The following PALM2AKAP2 variants were observed in gnomAD, a reference collection of about 807,000 sequenced individuals.
The protein encoded by PALM2AKAP2 is PALM2-AKAP2 fusion protein.
A neutral mutation model predicts 71.5 loss-of-function variants in PALM2AKAP2; 37 were observed. The observed-to-expected ratio is 0.52, with a 90% CI of 0.40 to 0.68. The LOEUF is 0.68. Ranked by LOEUF, PALM2AKAP2 falls within the 30% of genes least tolerant of loss-of-function variation. The pLI is 0.00. For synonymous variants in PALM2AKAP2, 468 were observed against 478.8 expected, an observed-to-expected ratio of 0.98 and a Z score of 0.29; for missense variants, 1,224 against 1,191.8, an observed-to-expected ratio of 1.03 and a Z score of -0.40.
chr9:109,954,605 A>G (rs1831709607), intron 6 of PALM2AKAP2, among the ~76,000 whole-genome samples: 1 of 149,866 alleles, frequency 6.7e-6, no homozygotes, highest in Admixed American at 6.7e-5. Context: ...ACATGTATAC[A>G]TATGTAACTA....
chr9:109,688,689 CAG>C (rs1192200115), intron 1 of PALM2AKAP2, among the ~76,000 whole-genome samples: 1 of 152,204 alleles, frequency 6.6e-6, no homozygotes, highest in Non-Finnish European at 1.5e-5. Context: ...TGAAAAGGGG[CAG>C]AGAGATTAAG....
chr9:109,898,522 C>T (rs1404675386), intron 3 of PALM2AKAP2, among the ~76,000 whole-genome samples: 2 of 152,170 alleles, frequency 1.3e-5, no homozygotes, highest in East Asian at 3.8e-4. Flanking sequence ...AATTCATAGG[C>T]ACTGAGTATT....
chr9:109,943,312 G>A, intron 6 of PALM2AKAP2: 1 of 1,614,224 alleles, frequency 6.2e-7, no homozygotes, highest in Non-Finnish European at 8.5e-7. Flanking sequence ...CGGGAGGCCG[G>A]TCTCAGACAC....
At chr9:109,931,709 C>T (rs547990807) in intron 5 of PALM2AKAP2, among the ~76,000 whole-genome samples, 2 of 152,324 alleles carry the variant, frequency 1.3e-5, no homozygotes, top group South Asian at 2.1e-4. Flanking sequence ...TAGAGCCATC[C>T]TGGGGCTTGA....
chr9:110,138,313 C>G, exon 2 of PALM2AKAP2: 1 of 1,614,200 alleles, frequency 6.2e-7, no homozygotes. Flanking sequence ...AGCTGAGAAG[C>G]ACAGCCTCCC....
chr9:109,800,352 A>G (rs1827388622), intron 1 of PALM2AKAP2, among the ~76,000 whole-genome samples: 1 of 152,182 alleles, frequency 6.6e-6, no homozygotes, highest in Non-Finnish European at 1.5e-5. Flanking sequence ...AAACAATAAT[A>G]CTCTGTTAGA....
At chr9:110,145,754 G>A (rs887819932) in intron 2 of PALM2AKAP2, among the ~76,000 whole-genome samples, 6 of 150,992 alleles carry the variant, frequency 4.0e-5, no homozygotes, top group Admixed American at 6.6e-5. Flanking sequence ...TTGAAGCTAT[G>A]TTTGGCAAGG....
intron 6 of PALM2AKAP2, among the ~76,000 whole-genome samples, chr9:109,990,067 CTT>C (rs35739397): frequency 8.7e-4 from 116 of 134,100 alleles, no homozygotes; most frequent in African/African-American, 2.4e-3. Flanking sequence ...TTCTTTCTTT[CTT>C]TTTTTTTTTT....
At chr9:109,919,696 A>G (rs766270604) in intron 3 of PALM2AKAP2, among the ~76,000 whole-genome samples, 24 of 151,794 alleles carry the variant, frequency 1.6e-4, no homozygotes, top group Admixed American at 2.6e-4. Flanking sequence ...ATTGGGATAT[A>G]TATTAGTAGG....
At chr9:109,958,436 C>A (rs755690996) in intron 6 of PALM2AKAP2, among the ~76,000 whole-genome samples, 1 of 152,098 alleles carries the variant, frequency 6.6e-6, no homozygotes, top group Non-Finnish European at 1.5e-5. Flanking sequence ...ATGCCTTTAT[C>A]GTATGACTTA....
chr9:109,712,875 A>G lies in PALM2AKAP2; in HGVS notation c.6-67613A>G, dbSNP rs117970832. Among the ~76,000 whole-genome samples, 197 of 152,344 alleles carry G rather than the reference A, an allele frequency of 1.3e-3. 7 individuals carry two copies. In the East Asian group the frequency reaches 0.03, roughly 23 times the overall value. On this transcript the variant is annotated intron_variant, in intron 1 of 6. Transcript: ENST00000374531. ...TCCACTGTTAGACCATGATAACACAAGAAAAGTACTTCTGAGCTGAGCTGA... is the reference window on the plus strand; with the variant it reads ...TCCACTGTTAGACCATGATAACACAGGAAAAGTACTTCTGAGCTGAGCTGA...
intron 1 of PALM2AKAP2, among the ~76,000 whole-genome samples, chr9:109,773,317 T>G (rs1252958959): frequency 6.6e-6 from 1 of 152,032 alleles, no homozygotes; most frequent in Non-Finnish European, 1.5e-5. Context: ...AATTTTTTTT[T>G]GTAGAGGTAG....
intron 6 of PALM2AKAP2, among the ~76,000 whole-genome samples, chr9:109,938,308 C>T (rs181758116): frequency 3.3e-5 from 5 of 152,236 alleles, no homozygotes; most frequent in African/African-American, 7.2e-5. Context: ...TCCATGAAAA[C>T]GAAATATTGC....
intron 1 of PALM2AKAP2, among the ~76,000 whole-genome samples, chr9:109,719,556 A>G (rs1353198925): frequency 6.6e-6 from 1 of 152,246 alleles, no homozygotes; most frequent in African/African-American, 2.4e-5. Context: ...CTTGGCAGTT[A>G]GGATCTTGCT....
At chr9:110,014,863 C>G (rs1320325804) in intron 6 of PALM2AKAP2, among the ~76,000 whole-genome samples, 1 of 110,540 alleles carries the variant, frequency 9.0e-6, no homozygotes, top group African/African-American at 3.3e-5. Context: ...CACACACACA[C>G]ATATATCTTG....
chr9:109,859,460 A>G (rs963851643), intron 1 of PALM2AKAP2, among the ~76,000 whole-genome samples: 3 of 152,236 alleles, frequency 2.0e-5, no homozygotes, highest in Non-Finnish European at 4.4e-5. Context: ...AATGATAAAT[A>G]CACGAGATGG....
chr9:109,998,043 A>G (rs982997965), intron 6 of PALM2AKAP2, among the ~76,000 whole-genome samples: 1 of 152,252 alleles, frequency 6.6e-6, no homozygotes, highest in Non-Finnish European at 1.5e-5. Flanking sequence ...ATTAAGAGGA[A>G]GAGAAATAAC....
At chr9:109,650,732 T>C (rs1279653568) in intron 1 of PALM2AKAP2, among the ~76,000 whole-genome samples, 1 of 152,212 alleles carries the variant, frequency 6.6e-6, no homozygotes, top group Non-Finnish European at 1.5e-5. Context: ...AGCCTCACAG[T>C]AGACACAATT....
intron 1 of PALM2AKAP2, among the ~76,000 whole-genome samples, chr9:109,751,814 G>A (rs1828889888): frequency 6.6e-6 from 1 of 152,144 alleles, no homozygotes; most frequent in South Asian, 2.1e-4. Flanking sequence ...AAGAGCAGGA[G>A]GGAGAACTCA....
Sources: gnomAD v4.1 joint callset for allele counts (sites outside exome capture counted in the v4.1 genomes callset) on GRCh38, gnomAD v4.1.1 for gene constraint, MANE v1.5 for transcripts, NCBI Gene and HGNC (gene_info 2026-07-23, HGNC 2026-07-21) for gene names.